The following CASQ2 variants were observed in gnomAD, a reference collection of about 807,000 sequenced individuals.
CASQ2 encodes calsequestrin-2.
A neutral mutation model predicts 46.5 loss-of-function variants in CASQ2; 49 were observed. That is an observed-to-expected ratio of 1.05 (90% CI 0.84 to 1.34). CASQ2 has a LOEUF of 1.34. Among genes scored for constraint, CASQ2 ranks in the 40% most tolerant of loss-of-function variants. The pLI, the probability that CASQ2 is intolerant of heterozygous loss-of-function variation, is 0.00. For synonymous variants in CASQ2, 174 were observed against 168.5 expected (o/e 1.03, Z -0.25); for missense variants, 486 against 481.3 (o/e 1.01, Z -0.09).
chr1:115,700,511 G>C lies in CASQ2; in HGVS notation c.*730C>G, dbSNP rs1470706913. ...TCCACTCCTGCTGATGAATATGTGA[G>C]ACTTGCCAACTAGAGGGAAGTTTAG... is the stretch of plus-strand genomic sequence containing the variant. On this transcript the variant is annotated 3_prime_UTR_variant, in exon 11 of 11. Coordinates refer to ENST00000261448, the MANE Select transcript of CASQ2 (RefSeq NM_001232.4). The C allele has an allele frequency of 1.3e-5, 2 of 153,698 alleles. No individual in the cohort carries two copies. The highest frequency in any genetic ancestry group is 2.9e-5 in the Non-Finnish European group (2 of 69,154). The allele number at this position is 153,698 out of a possible 1,614,324, so 9.5% of individuals were successfully genotyped here.
At chr1:115,739,106 G>T (rs1648075024) in intron 3 of CASQ2, among the ~76,000 whole-genome samples, 1 of 102,282 alleles carries the variant, frequency 9.8e-6, no homozygotes, top group Admixed American at 9.9e-5. Context: ...TGTATGTATA[G>T]CACATTTTCT....
intron 8 of CASQ2, among the ~76,000 whole-genome samples, chr1:115,716,765 C>A (rs1268190142): frequency 6.6e-6 from 1 of 152,216 alleles, no homozygotes; most frequent in African/African-American, 2.4e-5. Flanking sequence ...TGCCCTCTGG[C>A]CCACTTCTCT....
intron 1 of CASQ2, among the ~76,000 whole-genome samples, chr1:115,750,374 G>T (rs577194096): frequency 3.3e-5 from 5 of 152,268 alleles, no homozygotes; most frequent in African/African-American, 9.6e-5. Context: ...GTCTCTTATC[G>T]GTTGGTTATA....
At position 115,701,194 on chromosome 1, in the gene CASQ2, T is replaced by G; in HGVS notation, c.*47A>C. 6.2e-7 allele frequency: 1 copy of G among 1,612,904 alleles called. No homozygotes were observed. The highest frequency in any genetic ancestry group is 8.5e-7 in the Non-Finnish European group (1 of 1,180,010). ...CTGCCACCTTGTGCTGTCTGTATGGTAGTGGGTGCTGTGATTTTGTTTTCA... is the reference window on the plus strand; with the variant it reads ...CTGCCACCTTGTGCTGTCTGTATGGGAGTGGGTGCTGTGATTTTGTTTTCA... On this transcript the variant is annotated 3_prime_UTR_variant, in exon 11 of 11. Coordinates refer to ENST00000261448, the MANE Select transcript of CASQ2 (RefSeq NM_001232.4).
intron 2 of CASQ2, among the ~76,000 whole-genome samples, chr1:115,744,615 C>A (rs141172037): frequency 6.6e-6 from 1 of 152,222 alleles, no homozygotes; most frequent in Admixed American, 6.5e-5. Context: ...ACTGATACAA[C>A]AATCTCTTAC....
Position 115,743,304 on chromosome 1 carries a change from T to G in CASQ2, c.319+1524A>C, listed in dbSNP as rs958583009. Among the ~76,000 whole-genome samples, 6 of 152,208 alleles carry G rather than the reference T, an allele frequency of 3.9e-5. No homozygotes were observed. In the East Asian group the frequency reaches 5.8e-4, roughly 15 times the overall value. On this transcript the variant is annotated intron_variant, in intron 2 of 10. Transcript: ENST00000261448. Reference sequence around the variant, plus strand: ...AGGCTGTAGTGCAGTGGCACAATCATGCAGGCAGAAGTCACGGCAATCTTG... The same window carrying G: ...AGGCTGTAGTGCAGTGGCACAATCAGGCAGGCAGAAGTCACGGCAATCTTG...
intron 8 of CASQ2, among the ~76,000 whole-genome samples, chr1:115,710,835 G>A (rs776065371): frequency 6.6e-6 from 1 of 152,198 alleles, no homozygotes; most frequent in Non-Finnish European, 1.5e-5. Context: ...AGGGATGCAC[G>A]TTGAACCAGG....
At chr1:115,712,930 G>A (rs1654595267) in intron 8 of CASQ2, among the ~76,000 whole-genome samples, 1 of 151,980 alleles carries the variant, frequency 6.6e-6, no homozygotes, top group Non-Finnish European at 1.5e-5. Context: ...AAAGCTCAAG[G>A]AGGCAGTTAG....
intron 8 of CASQ2, among the ~76,000 whole-genome samples, chr1:115,713,603 G>A (rs1186582774): frequency 6.6e-6 from 1 of 152,210 alleles, no homozygotes; most frequent in Non-Finnish European, 1.5e-5. Context: ...ACATGTGGTT[G>A]TTGCTGCTGT....
intron 7 of CASQ2, among the ~76,000 whole-genome samples, chr1:115,719,040 A>G (rs545783023): frequency 6.6e-6 from 1 of 152,288 alleles, no homozygotes; most frequent in South Asian, 2.1e-4. Flanking sequence ...CAACCTTCCC[A>G]TGATCTCTGT....
intron 3 of CASQ2, among the ~76,000 whole-genome samples, chr1:115,739,120 C>CTTT (rs1331430788): frequency 2.1e-5 from 1 of 48,368 alleles, no homozygotes; most frequent in Non-Finnish European, 8.0e-5. Context: ...ATTTTCTTTT[C>CTTT]TTTCTTTTTG....
At chr1:115,736,759 C>T (rs1647979187) in intron 4 of CASQ2, among the ~76,000 whole-genome samples, 1 of 152,048 alleles carries the variant, frequency 6.6e-6, no homozygotes, top group African/African-American at 2.4e-5. Flanking sequence ...ACCATACTAG[C>T]CATGTGATAA....
chr1:115,761,490 GAAGAAGGAGAAGAAGAAGAAGAAGAA>G (rs1648955088), intron 1 of CASQ2, among the ~76,000 whole-genome samples: 5 of 43,772 alleles, frequency 1.1e-4, no homozygotes, highest in African/African-American at 3.2e-4. Flanking sequence ...AGAAGAAGGA[GAAGAAGGAGAAGAAGAAGAAGAAGAA>G]GAAGAAGAAG....
At position 115,717,036 on chromosome 1, in the gene CASQ2, T is replaced by C. The variant is rs532058736; in HGVS notation, c.838+804A>G. ...TATGAGTTCTCACAAGATCTGGTTA[T>C]ATAAAAGTGTGTGGCACCTCCCCAC... On this transcript the variant is annotated intron_variant, in intron 8 of 10. Coordinates refer to ENST00000261448, the MANE Select transcript of CASQ2 (RefSeq NM_001232.4). Among the ~76,000 whole-genome samples, 4 of 152,238 alleles carry C rather than the reference T, an allele frequency of 2.6e-5. No individual in the cohort carries two copies. In the East Asian group the frequency reaches 5.8e-4, roughly 22 times the overall value.
intron 2 of CASQ2, among the ~76,000 whole-genome samples, chr1:115,743,689 CTTT>C (rs200989847): frequency 7.4e-4 from 106 of 143,746 alleles, no homozygotes; most frequent in Admixed American, 1.7e-3. Context: ...CACCACTAAT[CTTT>C]TTTTTTTTTT....
At chr1:115,726,405 T>A (rs1647593054) in intron 6 of CASQ2, among the ~76,000 whole-genome samples, 1 of 152,304 alleles carries the variant, frequency 6.6e-6, no homozygotes, top group South Asian at 2.1e-4. Context: ...ACAGCCGCAG[T>A]TAAGTAGTTG....
intron 1 of CASQ2, among the ~76,000 whole-genome samples, chr1:115,750,865 T>C (rs1281006010): frequency 1.8e-5 from 1 of 54,502 alleles, no homozygotes; most frequent in Admixed American, 2.1e-4. Flanking sequence ...ATATTTATAA[T>C]ATAGCTTTAC....
At chr1:115,745,990 C>A (rs1235299196) in intron 1 of CASQ2, among the ~76,000 whole-genome samples, 1 of 152,150 alleles carries the variant, frequency 6.6e-6, no homozygotes, top group Non-Finnish European at 1.5e-5. Flanking sequence ...TGTCCCTATC[C>A]CCTCTTTTAC....
intron 8 of CASQ2, among the ~76,000 whole-genome samples, chr1:115,715,327 G>T (rs1654667153): frequency 1.3e-5 from 2 of 152,138 alleles, no homozygotes; most frequent in African/African-American, 4.8e-5. Context: ...ACAAGAGAGT[G>T]CTCAGATAAT....
Sources: allele counts gnomAD v4.1 joint callset (sites outside exome capture counted in the v4.1 genomes callset), GRCh38; gene constraint gnomAD v4.1.1; transcripts MANE v1.5; gene names NCBI Gene and HGNC (gene_info 2026-07-23, HGNC 2026-07-21).